The following DSG1 variants were observed in gnomAD, a reference collection of about 807,000 sequenced individuals.
DSG1 encodes the protein desmoglein 1, also known as desmoglein-1.
In DSG1, 39 loss-of-function variants were observed where a neutral mutation model predicts 97.5. That is an observed-to-expected ratio of 0.40 (90% CI 0.31 to 0.52). DSG1 has a LOEUF of 0.52. Ranked by LOEUF, DSG1 falls within the 20% of genes least tolerant of loss-of-function variation. The pLI, the probability that DSG1 is intolerant of heterozygous loss-of-function variation, is 0.53. For synonymous variants in DSG1, 475 were observed against 443.4 expected, an observed-to-expected ratio of 1.07 and a Z score of -0.90; for missense variants, 1,311 against 1,295.4, an observed-to-expected ratio of 1.01 and a Z score of -0.18.
Position 31,336,514 on chromosome 18 carries a change from C to T in DSG1, c.1166C>T (p.Ser389Leu). 6.2e-7 allele frequency: 1 copy of T among 1,613,908 alleles called. No individual in the cohort carries two copies. Among genetic ancestry groups the T allele is most frequent in the Non-Finnish European group, 8.5e-7 (1 of 1,179,918 alleles). Residue 389 changes from serine (S) to leucine (L), a missense_variant, in exon 9 of 15, where the codon TCA becomes TTA. Physicochemically the swap from Ser to Leu is moderately radical, Grantham distance 145. Transcript: ENST00000257192. ...GAAGGCCCAGTGTTTCGTCCAGGTT[C>T]AAAGACATATGTTGTAACTGGTAAT... ...VIEGPVFRPG[S>L]KTYVVTGNMG... is the part of the protein sequence containing the mutation.
At position 31,355,180 on chromosome 18, in the gene DSG1, G is replaced by A. The variant is rs1335235171; in HGVS notation, c.2984G>A (p.Gly995Asp). ...GAGSGALSGA[G>D]ISGGGIGLSS... ...GGGAGCGGTGCCCTGAGTGGAGCTG[G>A]CATAAGTGGTGGTGGCATTGGCCTG... The change falls in exon 15 of 15, where the codon GGC (glycine) becomes GAC (aspartate). Residue 995 changes from glycine to aspartate, a missense_variant. Physicochemically the swap from Gly to Asp is moderately conservative, Grantham distance 94. This residue lies in a region of DSG1 where 1,038 missense variants were observed against 964.6 expected (regional missense o/e 1.08). Transcript: ENST00000257192. 8.1e-6 allele frequency: 13 copies of A among 1,603,738 alleles called. No homozygotes were observed. The highest frequency in any genetic ancestry group is 1.1e-5 in the Non-Finnish European group (13 of 1,173,688).
intron 1 of DSG1, among the ~76,000 whole-genome samples, chr18:31,320,714 G>A (rs1448170107): frequency 1.3e-5 from 2 of 152,154 alleles, no homozygotes; most frequent in Non-Finnish European, 2.9e-5. Flanking sequence ...ATCAGTGTAT[G>A]GAGTAGAGAA....
Position 31,355,534 on chromosome 18 carries a change from A to G in DSG1, c.*188A>G. On this transcript the variant is annotated 3_prime_UTR_variant, in exon 15 of 15. Transcript: ENST00000257192. The stretch of plus-strand genomic sequence containing the variant: ...GGGGAGAGCTCTCCTTAGCATTCAT[A>G]AACTTTTCTCTTATATTAGGACTAA... 3.1e-6 allele frequency: 2 copies of G among 650,552 alleles called. No individual in the cohort carries two copies. Among genetic ancestry groups the G allele is most frequent in the Non-Finnish European group, 5.3e-6 (2 of 377,776 alleles). The allele number at this position is 650,552 out of a possible 1,614,324, so 40.3% of individuals were successfully genotyped here. A position where few individuals can be genotyped will look rare whatever the true frequency, so the allele number is the denominator to read the frequency against.
chr18:31,325,900 G>A (rs1175332677), intron 1 of DSG1, among the ~76,000 whole-genome samples: 1 of 151,934 alleles, frequency 6.6e-6, no homozygotes, highest in African/African-American at 2.4e-5. Context: ...AGTATTAGTG[G>A]TGACCACATG....
At chr18:31,341,232 A>G (rs1010392374) in intron 11 of DSG1, among the ~76,000 whole-genome samples, 3 of 152,220 alleles carry the variant, frequency 2.0e-5, no homozygotes. Context: ...ATTAATGCAA[A>G]CATTGTCATT....
At chr18:31,339,710 T>C (rs1350498956) in intron 10 of DSG1, 34 bp from the exon 11 acceptor site, 1 of 1,540,934 alleles carries the variant, frequency 6.5e-7, no homozygotes, top group Admixed American at 1.7e-5. Context: ...ACTAAATGTC[T>C]AAAATATTTC....
intron 13 of DSG1, among the ~76,000 whole-genome samples, chr18:31,345,050 C>T (rs923674097): frequency 6.6e-6 from 1 of 152,176 alleles, no homozygotes; most frequent in Non-Finnish European, 1.5e-5. Context: ...TCATTGTTGA[C>T]TCGTCGTATT....
At position 31,328,293 on chromosome 18, in the gene DSG1, T is replaced by C; in HGVS notation, c.321T>C (p.Gly107=). ...TCTTTGTCATTAATCAGAAAACTGGTGAAATTAATATAACATCCATAGTTG... is the reference window on the plus strand; with the variant it reads ...TCTTTGTCATTAATCAGAAAACTGGCGAAATTAATATAACATCCATAGTTG... The part of the protein sequence containing the change: ...YGIFVINQKT[G]EINITSIVDR... The change falls in exon 4 of 15, where the codon GGT becomes GGC. Residue 107 remains glycine (G), a synonymous_variant. Transcript: ENST00000257192. The C allele has an allele frequency of 6.2e-7, 1 of 1,613,552 alleles. No individual in the cohort carries two copies. The highest frequency in any genetic ancestry group is 8.5e-7 in the Non-Finnish European group (1 of 1,179,560).
In DSG1 at chr18:31,334,108, T is replaced by C; in HGVS notation, c.911T>C (p.Met304Thr). 1 of 1,608,700 alleles carries C rather than the reference T, an allele frequency of 6.2e-7. No individual in the cohort carries two copies. Among genetic ancestry groups the C allele is most frequent in the Non-Finnish European group, 8.5e-7 (1 of 1,175,304 alleles). Residue 304 changes from methionine (M) to threonine (T), a missense_variant, in exon 8 of 15, where the codon ATG (methionine) becomes ACG (threonine). Physicochemically the swap from Met to Thr is moderately conservative, Grantham distance 81 (BLOSUM62 -1). Around this residue, in one of 3 missense-constraint regions of DSG1, gnomAD observed 1,038 missense variants for 964.6 expected, o/e 1.08. Coordinates refer to ENST00000257192, the MANE Select transcript of DSG1 (RefSeq NM_001942.4). ...GATGAAGAGTTCTCAGCTAACTGGA[T>C]GGCAGTAATTTTCTTTATCTCTGGA... ...DLDEEFSANWMAVIFFISGNE... is the reference protein window; with the variant it reads ...DLDEEFSANWTAVIFFISGNE...
rs535794392 is a variant in DSG1, at chr18:31,336,275, T to G, written c.1006-79T>G. On this transcript the variant is annotated intron_variant, in intron 8 of 14. Coordinates refer to ENST00000257192, the MANE Select transcript of DSG1 (RefSeq NM_001942.4). ...TAAAAGAAAGATAATAAGTTTTTTT[T>G]GCTATTATCAAAGGATTTTCTTTCA... The G allele has an allele frequency of 2.3e-5, 29 of 1,269,488 alleles. No homozygotes were observed. In the South Asian group the frequency reaches 4.0e-4, roughly 17 times the overall value. The allele number at this position is 1,269,488 out of a possible 1,614,324, so 78.6% of individuals were successfully genotyped here.
At position 31,334,006 on chromosome 18, in the gene DSG1, T is replaced by A. The variant is rs778232432; in HGVS notation, c.820-11T>A. 6.9e-6 allele frequency: 11 copies of A among 1,582,780 alleles called. No individual in the cohort carries two copies. The highest frequency in any genetic ancestry group is 9.5e-6 in the Non-Finnish European group (11 of 1,152,290). On this transcript the variant is annotated splice_polypyrimidine_tract_variant and intron_variant, in intron 7 of 14. Transcript: ENST00000257192. ...ACAGTTTGTGCTAAGAGTTTTCACT[T>A]CTTGTTTCAGTATACCATAGAAATT...
intron 14 of DSG1, among the ~76,000 whole-genome samples, chr18:31,353,527 A>G (rs1598718063): frequency 6.6e-6 from 1 of 152,046 alleles, no homozygotes; most frequent in East Asian, 1.9e-4. Context: ...TGCTTTGTTT[A>G]CCTAATCAAG....
chr18:31,326,665 T>C (rs752699811), intron 2 of DSG1, 49 bp downstream of exon 2: 9 of 1,487,140 alleles, frequency 6.1e-6, no homozygotes, highest in Non-Finnish European at 8.4e-6. Flanking sequence ...AAGAAAATAA[T>C]TTGAGAATAA....
In DSG1 at chr18:31,331,885, A is replaced by C; in HGVS notation, c.684+18A>C. The C allele has an allele frequency of 6.2e-7, 1 of 1,609,286 alleles. No homozygotes were observed. Among genetic ancestry groups the C allele is most frequent in the Non-Finnish European group, 8.5e-7 (1 of 1,177,398 alleles). On this transcript the variant is annotated intron_variant, in intron 6 of 14. Coordinates refer to ENST00000257192, the MANE Select transcript of DSG1 (RefSeq NM_001942.4). ...ACAGAGAGGTAATTCTTTTTCTTTA[A>C]GTGGGTTTTTGGTCTCAAAGGAACT...
intron 8 of DSG1, 30 bp from the exon 9 acceptor site, chr18:31,336,324 A>G (rs2071752167): frequency 6.3e-7 from 1 of 1,596,038 alleles, no homozygotes; most frequent in East Asian, 2.2e-5. Flanking sequence ...ATTTTCTTAT[A>G]ATGAAACTAT....
At chr18:31,327,047 G>A (rs1222096270) in intron 3 of DSG1, 42 bp downstream of exon 3, 2 of 1,611,690 alleles carry the variant, frequency 1.2e-6, no homozygotes, top group South Asian at 1.1e-5. Flanking sequence ...AATCAGAATG[G>A]ATAAAGTTTC....
At chr18:31,343,246 T>C (rs1161211564) in intron 11 of DSG1, 5 of 645,258 alleles carry the variant, frequency 7.7e-6, no homozygotes, top group African/African-American at 3.7e-5. Flanking sequence ...TAAAATAAAC[T>C]AAAATTGACT....
At chr18:31,328,152 G>T in intron 3 of DSG1, 37 bp from the exon 4 acceptor site, 3 of 1,610,372 alleles carry the variant, frequency 1.9e-6, no homozygotes, top group Non-Finnish European at 2.5e-6. Flanking sequence ...AACTCTATTT[G>T]CTCCCTCTAA....
intron 14 of DSG1, among the ~76,000 whole-genome samples, chr18:31,351,252 G>A (rs1478049498): frequency 2.0e-5 from 3 of 150,174 alleles, no homozygotes; most frequent in African/African-American, 7.5e-5. Flanking sequence ...GGAGCAGGTT[G>A]TTCAGTTTCC....
Sources: allele counts gnomAD v4.1 joint callset (sites outside exome capture counted in the v4.1 genomes callset), GRCh38; gene constraint gnomAD v4.1.1; regional missense constraint gnomAD v4.1.1; transcripts MANE v1.5; gene names NCBI Gene and HGNC (gene_info 2026-07-23, HGNC 2026-07-21).